Variants in DNAH11 observed in about 807,000 individuals in gnomAD.
DNAH11 encodes the protein dynein axonemal heavy chain 11.
Under a neutral mutation model 526.0 loss-of-function variants are expected in DNAH11, and 442 were observed. That is an observed-to-expected ratio of 0.84 (90% CI 0.78 to 0.91). DNAH11 has a LOEUF of 0.91. Among genes scored for constraint, DNAH11 ranks in the 40% least tolerant of loss-of-function variants. The pLI, the probability that DNAH11 is intolerant of heterozygous loss-of-function variation, is 0.00. For synonymous variants in DNAH11, 2,461 were observed against 1,935.9 expected (o/e 1.27, Z -7.12); for missense variants, 6,989 against 5,448.7 (o/e 1.28, Z -8.90).
intron 56 of DNAH11, among the ~76,000 whole-genome samples, chr7:21,775,365 C>T (rs529803718): frequency 1.2e-4 from 18 of 152,182 alleles, no homozygotes; most frequent in African/African-American, 4.1e-4. Context: ...ACCTTTAATC[C>T]CAGCACTTTG....
intron 20 of DNAH11, among the ~76,000 whole-genome samples, chr7:21,611,148 T>A (rs909607397): frequency 6.6e-6 from 1 of 152,098 alleles, no homozygotes; most frequent in African/African-American, 2.4e-5. Flanking sequence ...GGGGCCCAGA[T>A]AGAAGAAAAA....
At chr7:21,857,593 C>A (rs535115259) in intron 68 of DNAH11, among the ~76,000 whole-genome samples, 1 of 151,716 alleles carries the variant, frequency 6.6e-6, no homozygotes, top group Non-Finnish European at 1.5e-5. Flanking sequence ...TAAATCTACA[C>A]GAATCAAGAT....
intron 25 of DNAH11, among the ~76,000 whole-genome samples, chr7:21,623,231 C>T (rs1234062934): frequency 6.6e-6 from 1 of 152,128 alleles, no homozygotes; most frequent in African/African-American, 2.4e-5. Context: ...TCATCACTGG[C>T]CATCAGAGAA....
intron 65 of DNAH11, among the ~76,000 whole-genome samples, chr7:21,838,975 G>C (rs1268604265): frequency 6.6e-6 from 1 of 152,102 alleles, no homozygotes; most frequent in Non-Finnish European, 1.5e-5. Context: ...GAGGGCTCCA[G>C]TTTCTCCATG....
intron 39 of DNAH11, among the ~76,000 whole-genome samples, chr7:21,706,112 C>G (rs554971808): frequency 6.6e-6 from 1 of 152,092 alleles, no homozygotes; most frequent in Non-Finnish European, 1.5e-5. Context: ...AAGGAAGTGG[C>G]AAAACCCACA....
At position 21,868,968 on chromosome 7, in the gene DNAH11, G is replaced by A; in HGVS notation, c.11944G>A (p.Gly3982Arg). 1 of 1,614,010 alleles carries A rather than the reference G, an allele frequency of 6.2e-7. No homozygotes were observed. The highest frequency in any genetic ancestry group is 1.1e-5 in the South Asian group (1 of 91,074). ...AGTGGCCCTGGAGAAAGCTTCCAAA[G>A]GAGGACACTGGGTCATCCTCCAAGT... ...AEVALEKASK[G>R]GHWVILQNVH... The change falls in exon 73 of 82, where the codon GGA becomes AGA. Residue 3982 changes from glycine to arginine, a missense_variant. By Grantham distance (125) the Gly-to-Arg change is moderately radical. Coordinates refer to ENST00000409508, the MANE Select transcript of DNAH11 (RefSeq NM_001277115.2).
intron 8 of DNAH11, among the ~76,000 whole-genome samples, chr7:21,574,250 G>T (rs1227746198): frequency 6.6e-6 from 1 of 152,286 alleles, no homozygotes; most frequent in East Asian, 1.9e-4. Flanking sequence ...AAATCCCTCA[G>T]ATACCTAAGC....
At position 21,812,666 on chromosome 7, in the gene DNAH11, A is replaced by AAG. The variant is rs150181073; in HGVS notation, c.10333-3788_10333-3787dup. Among the ~76,000 whole-genome samples, 431 of 151,968 alleles carry AAG rather than the reference A, an allele frequency of 2.8e-3. 3 individuals are homozygous for AAG. The highest frequency in any genetic ancestry group is 9.8e-3 in the African/African-American group (407 of 41,446). ...GAGACCTTATTTCAAAAAGAAAGAA[A>AAG]AGAGAGAGAGAGAGGTGGGAAGGGA... On this transcript the variant is annotated intron_variant, in intron 63 of 81. Coordinates refer to ENST00000409508, the MANE Select transcript of DNAH11 (RefSeq NM_001277115.2).
rs191638909 is a variant in DNAH11 at position 21,899,460 on chromosome 7, C to G, written c.13162+12C>G. Reference sequence around the variant, plus strand: ...GTCCTTCTTAACTGGTAAGGGCTGACGCAGTGCAGCCCCTGATGCACACAG... The same window carrying G: ...GTCCTTCTTAACTGGTAAGGGCTGAGGCAGTGCAGCCCCTGATGCACACAG... On this transcript the variant is annotated intron_variant, in intron 80 of 81. Coordinates refer to ENST00000409508, the MANE Select transcript of DNAH11 (RefSeq NM_001277115.2). The G allele has an allele frequency of 6.3e-7, 1 of 1,596,410 alleles. No homozygotes were observed. Among genetic ancestry groups the G allele is most frequent in the East Asian group, 2.2e-5 (1 of 44,736 alleles).
At chr7:21,757,232 GAAC>G (rs1369424714) in intron 54 of DNAH11, among the ~76,000 whole-genome samples, 1 of 152,260 alleles carries the variant, frequency 6.6e-6, no homozygotes, top group African/African-American at 2.4e-5. Context: ...CATACTTTCT[GAAC>G]AACATTTAAA....
At chr7:21,602,032 A>G (rs965816729) in intron 18 of DNAH11, among the ~76,000 whole-genome samples, 7 of 152,092 alleles carry the variant, frequency 4.6e-5, no homozygotes, top group African/African-American at 1.7e-4. Flanking sequence ...CAAACGTATC[A>G]TGGATTTGTT....
At chr7:21,799,462 C>T (rs959370770) in intron 61 of DNAH11, among the ~76,000 whole-genome samples, 4 of 152,038 alleles carry the variant, frequency 2.6e-5, no homozygotes, top group Admixed American at 1.3e-4. Flanking sequence ...CTCAGCCTCC[C>T]GAGTAGCTGG....
intron 67 of DNAH11, among the ~76,000 whole-genome samples, chr7:21,853,330 A>G (rs1228194284): frequency 6.6e-6 from 1 of 152,246 alleles, no homozygotes; most frequent in Non-Finnish European, 1.5e-5. Context: ...ATTACCCAGC[A>G]GAAGCTGTGT....
At chr7:21,687,727 T>C (rs1175397168) in intron 34 of DNAH11, among the ~76,000 whole-genome samples, 200 bp downstream of exon 34, 1 of 152,200 alleles carries the variant, frequency 6.6e-6, no homozygotes, top group Non-Finnish European at 1.5e-5. Flanking sequence ...AACACATGTA[T>C]ATTACATTAC....
chr7:21,707,867 T>C, intron 40 of DNAH11, 32 bp downstream of exon 40: 1 of 1,531,578 alleles, frequency 6.5e-7, no homozygotes, highest in Non-Finnish European at 8.8e-7. Flanking sequence ...TGCTCAATTT[T>C]TTTTTTCTAT....
chr7:21,894,402 G>C (rs1307707343), intron 77 of DNAH11, among the ~76,000 whole-genome samples: 1 of 152,218 alleles, frequency 6.6e-6, no homozygotes, highest in Non-Finnish European at 1.5e-5. Context: ...GGAAGGGGAA[G>C]TGCTGGCACT....
intron 8 of DNAH11, among the ~76,000 whole-genome samples, chr7:21,576,515 T>G (rs527993946): frequency 6.6e-6 from 1 of 152,308 alleles, no homozygotes; most frequent in South Asian, 2.1e-4. Flanking sequence ...GTTTGATCCT[T>G]TCTAGGGCTT....
chr7:21,893,494 C>T (rs979629278), intron 77 of DNAH11, among the ~76,000 whole-genome samples: 5 of 152,186 alleles, frequency 3.3e-5, no homozygotes, highest in African/African-American at 9.7e-5. Context: ...GATAAATTGC[C>T]GGTCAGAGTG....
At position 21,900,020 on chromosome 7, in the gene DNAH11, G is replaced by A. The variant is rs185924078; in HGVS notation, c.13203G>A (p.Leu4401=). Residue 4401 remains leucine, a synonymous_variant, in exon 81 of 82, where the codon CTG becomes CTA. Coordinates refer to ENST00000409508, the MANE Select transcript of DNAH11 (RefSeq NM_001277115.2). The stretch of plus-strand genomic sequence containing the variant: ...TGGCTCGAAAAAATGAGTGGCCCCT[G>A]GATAAAACGCGCTTGACTGCTGATG... ...QTMARKNEWP[L]DKTRLTADVT... is the part of the protein sequence containing the mutation. The A allele has an allele frequency of 6.8e-6, 11 of 1,613,874 alleles. No individual in the cohort carries two copies. Among genetic ancestry groups the A allele is most frequent in the African/African-American group, 6.7e-5 (5 of 75,010 alleles).
Sources: allele counts gnomAD v4.1 joint callset (sites outside exome capture counted in the v4.1 genomes callset), GRCh38; gene constraint gnomAD v4.1.1; transcripts MANE v1.5; gene names NCBI Gene and HGNC (gene_info 2026-07-23, HGNC 2026-07-21).